SYT3: variants seen among roughly 807,000 people sequenced by gnomAD.
The protein encoded by SYT3 is synaptotagmin 3.
SYT3 carries 25 observed loss-of-function variants against 50.6 expected under a neutral mutation model. The ratio of observed to expected loss-of-function variants is 0.49; its 90% CI spans 0.36 to 0.69. The LOEUF is 0.69. SYT3 is among the 30% of genes least tolerant of loss of function. SYT3 has a pLI of 0.00. For synonymous variants in SYT3, 323 were observed against 353.9 expected (o/e 0.91, Z 0.98); for missense variants, 589 against 793.6 (o/e 0.74, Z 3.10).
chr19:50,646,321 C>A, the SYT3 span, among the ~76,000 whole-genome samples: 55 of 152,312 alleles, frequency 3.6e-4, no homozygotes, highest in African/African-American at 1.3e-3. Context: ...GCATTTGATG[C>A]TGGTCTGTTT....
At chr19:50,650,996 G>A in the SYT3 span, among the ~76,000 whole-genome samples, 2 of 152,170 alleles carry the variant, frequency 1.3e-5, no homozygotes, top group African/African-American at 2.4e-5. Flanking sequence ...TGTTCATTTC[G>A]ATTTTGCTGT....
Position 50,625,602 on chromosome 19 carries a change from C to T in SYT3, c.1403-38G>A. 1.3e-6 allele frequency: 2 copies of T among 1,530,294 alleles called. No individual in the cohort carries two copies. Among genetic ancestry groups the T allele is most frequent in the Non-Finnish European group, 1.8e-6 (2 of 1,140,148 alleles). The allele number at this position is 1,530,294 out of a possible 1,614,324, so 94.8% of individuals were successfully genotyped here. On this transcript the variant is annotated intron_variant, in intron 7 of 10. Transcript: ENST00000600079. The surrounding 1 kb of genome is among the most constrained non-coding windows in gnomAD (Gnocchi z 7.5). ...ATGAAGTAAGGAACAGAGACTCACTCCCTCAGACCTAGGGGTCCAGGACCC... is the reference window on the plus strand; with the variant it reads ...ATGAAGTAAGGAACAGAGACTCACTTCCTCAGACCTAGGGGTCCAGGACCC...
rs746841740 is a variant in SYT3, at chr19:50,630,090, G to A, written c.756C>T (p.Ala252=). The A allele has an allele frequency of 6.2e-7, 1 of 1,611,798 alleles. No homozygotes were observed. The highest frequency in any genetic ancestry group is 1.3e-5 in the African/African-American group (1 of 74,890). The part of the protein sequence containing the change: ...PDPSSEERPP[A]LPLPLPGGEE... The stretch of plus-strand genomic sequence containing the variant: ...CGCCTCCAGGCAGGGGTAAGGGCAG[G>A]GCAGGTGGCCGCTCCTCACTGCTGG... The change falls in exon 5 of 11, where the codon GCC becomes GCT. Residue 252 remains alanine, a synonymous_variant. Coordinates refer to ENST00000600079, the MANE Select transcript of SYT3 (RefSeq NM_001160329.2).
the SYT3 span, chr19:50,649,598 C>T: frequency 7.2e-7 from 1 of 1,387,354 alleles, no homozygotes; most frequent in Non-Finnish European, 9.9e-7. Flanking sequence ...TGGCCTTAAG[C>T]GAGTCACTGG....
chr19:50,646,124 C>A, the SYT3 span, among the ~76,000 whole-genome samples: 5 of 152,136 alleles, frequency 3.3e-5, no homozygotes, highest in Non-Finnish European at 7.3e-5. Flanking sequence ...AGTCAGAGGA[C>A]TGGAAAGGAA....
the SYT3 span, chr19:50,649,824 C>G: frequency 5.7e-5 from 29 of 510,248 alleles, 1 homozygote; most frequent in Middle Eastern, 2.9e-4. Context: ...GTCTCCCACC[C>G]TGAGCTCAGC....
chr19:50,629,190 G>T, intron 6 of SYT3, 104 bp downstream of exon 6: 1 of 884,090 alleles, frequency 1.1e-6, no homozygotes, highest in Non-Finnish European at 1.7e-6. Context: ...GAAAAATGTG[G>T]GGACAAGAAG....
the SYT3 span, among the ~76,000 whole-genome samples, chr19:50,655,723 T>C: frequency 6.6e-6 from 1 of 151,670 alleles, no homozygotes; most frequent in African/African-American, 2.4e-5. Flanking sequence ...AGTGAAGAAG[T>C]AAGCCTGGGG....
upstream of SYT3, among the ~76,000 whole-genome samples, chr19:50,641,883 TA>T (rs1249885343): frequency 6.6e-6 from 1 of 152,100 alleles, no homozygotes; most frequent in Non-Finnish European, 1.5e-5. Flanking sequence ...AATAAATAAA[TA>T]TTTAGAGCAA....
At chr19:50,653,393 T>C in the SYT3 span, among the ~76,000 whole-genome samples, 45,764 of 151,580 alleles carry the variant, frequency 0.3, 7,404 homozygotes, top group African/African-American at 0.42. Context: ...AGTAAGCACA[T>C]AGTTATATTG....
chr19:50,641,197 T>A, upstream of SYT3, among the ~76,000 whole-genome samples: 1 of 69,756 alleles, frequency 1.4e-5, no homozygotes, highest in African/African-American at 5.9e-5. Flanking sequence ...TTTTTTTTTG[T>A]GAGACAGAGT....
At chr19:50,649,843 C>G in the SYT3 span, 2 of 491,094 alleles carry the variant, frequency 4.1e-6, no homozygotes, top group African/African-American at 3.9e-5. Context: ...GCATCTTCCC[C>G]CAAAGCTGCT....
At chr19:50,657,555 C>G in the SYT3 span, among the ~76,000 whole-genome samples, 1 of 152,182 alleles carries the variant, frequency 6.6e-6, no homozygotes, top group African/African-American at 2.4e-5. Context: ...CTTTTGACTA[C>G]TGAACATTCT....
chr19:50,633,718 T>A lies in SYT3; in HGVS notation c.149-907A>T, dbSNP rs533346321. 5.9e-5 allele frequency among the ~76,000 whole-genome samples: 9 copies of A among 152,316 alleles called. No individual in the cohort carries two copies. In the South Asian group the frequency reaches 1.7e-3, roughly 28 times the overall value. Reference sequence around the variant, plus strand: ...ATAACAAACATATCTTGAGGGGTGATTACATACCAAATAGCTCAGTACTTT... The same window carrying A: ...ATAACAAACATATCTTGAGGGGTGAATACATACCAAATAGCTCAGTACTTT... On this transcript the variant is annotated intron_variant, in intron 3 of 10. Transcript: ENST00000600079.
chr19:50,649,351 G>C, the SYT3 span: 1 of 1,217,536 alleles, frequency 8.2e-7, no homozygotes, highest in African/African-American at 1.5e-5. Context: ...AGGAGGTAGA[G>C]GAGGCAGCGG....
intron 6 of SYT3, among the ~76,000 whole-genome samples, chr19:50,628,978 C>T (rs1984175252): frequency 6.6e-6 from 1 of 152,058 alleles, no homozygotes; most frequent in African/African-American, 2.4e-5. Flanking sequence ...CATGTGCCAC[C>T]ATGCCCGGCT....
At chr19:50,627,323 C>A (rs1984109121) in intron 6 of SYT3, among the ~76,000 whole-genome samples, 2 of 152,198 alleles carry the variant, frequency 1.3e-5, no homozygotes, top group Admixed American at 6.5e-5. Flanking sequence ...CTGTGCCTCC[C>A]CATAACCCTG....
At position 50,622,469 on chromosome 19, in the gene SYT3, G is replaced by T; in HGVS notation, c.*16C>A. The stretch of plus-strand genomic sequence containing the variant: ...CTGAGGGAGCCTGGTCCGATCCCGG[G>T]CCTAGGCCAGACCTGCACGATGGAG... On this transcript the variant is annotated 3_prime_UTR_variant, in exon 11 of 11. Transcript: ENST00000600079. 2.1e-6 allele frequency: 1 copy of T among 476,976 alleles called. No individual in the cohort carries two copies. Among genetic ancestry groups the T allele is most frequent in the East Asian group, 3.5e-5 (1 of 28,422 alleles). The allele number at this position is 476,976 out of a possible 1,614,324, so 29.5% of individuals were successfully genotyped here.
In SYT3 at chr19:50,629,983, C is replaced by G; in HGVS notation, c.863G>C (p.Gly288Ala). Residue 288 changes from glycine (G) to alanine (A), a missense_variant, in exon 5 of 11, where the codon GGC becomes GCC. Gly to Ala is a moderately conservative substitution (Grantham distance 60). Transcript: ENST00000600079. ...TGTGCCTGCCTCTCCAGAGCCTGGG[C>G]CCCCACCGCTCCGCCGGCCACCAGG... Reference protein sequence around the residue: ...TGPGGRRSGGGPGSGEAGTGA... With the variant: ...TGPGGRRSGGAPGSGEAGTGA... 1 of 1,613,726 alleles carries G rather than the reference C, an allele frequency of 6.2e-7. No homozygotes were observed. Among genetic ancestry groups the G allele is most frequent in the Admixed American group, 1.7e-5 (1 of 59,982 alleles).
Sources: allele counts gnomAD v4.1 joint callset (sites outside exome capture counted in the v4.1 genomes callset), GRCh38; gene constraint gnomAD v4.1.1; non-coding constraint Gnocchi (gnomAD v3.1); transcripts MANE v1.5; gene names NCBI Gene and HGNC (gene_info 2026-07-23, HGNC 2026-07-21).